The following ADD1 variants were observed in gnomAD, a reference collection of about 807,000 sequenced individuals.
ADD1 encodes the protein adducin 1, also known as alpha-adducin.
Under a neutral mutation model 80.5 loss-of-function variants are expected in ADD1, and 24 were observed. That is an observed-to-expected ratio of 0.30 (90% CI 0.22 to 0.42). The LOEUF (loss-of-function observed/expected upper bound fraction) is 0.42. Ranked by LOEUF, ADD1 falls within the 10% of genes least tolerant of loss-of-function variation. The probability of loss-of-function intolerance (pLI) is 1.00; values close to 1 mark genes in which losing one functional copy is unlikely to be tolerated. For missense variants in ADD1, 948 were observed against 1,019.0 expected (o/e 0.93, Z 0.95); for synonymous variants, 373 against 393.8 (o/e 0.95, Z 0.63).
intron 3 of ADD1, among the ~76,000 whole-genome samples, chr4:2,883,317 GTT>G (rs61653919): frequency 2.8e-5 from 4 of 142,880 alleles, no homozygotes; most frequent in Admixed American, 7.0e-5. Context: ...TGAACAATTA[GTT>G]TTTTTTTTTT....
rs181325490 is a variant in ADD1 at position 2,911,946 on chromosome 4, G to A, written c.1791+2515G>A. ...TGTGTGGTAGAAATGCAGAGGGGCA[G>A]TAAGCTCACCCCTTGGACTCTCTCA... On this transcript the variant is annotated intron_variant, in intron 13 of 15. Coordinates refer to ENST00000683351, the MANE Select transcript of ADD1 (RefSeq NM_001354761.2). 1.1e-3 allele frequency among the ~76,000 whole-genome samples: 167 copies of A among 152,352 alleles called. 1 individual carries two copies. The highest frequency in any genetic ancestry group is 3.6e-3 in the Admixed American group (55 of 15,306).
Position 2,908,573 on chromosome 4 carries a change from G to A in ADD1, c.1667G>A (p.Cys556Tyr). 6.2e-7 allele frequency: 1 copy of A among 1,614,260 alleles called. No individual in the cohort carries two copies. ...KTAGPQSQVLCGVVMDRSLVQ... is the reference protein window; with the variant it reads ...KTAGPQSQVLYGVVMDRSLVQ... ...GCTGGCCCTCAGTCCCAGGTTTTGT[G>A]TGGTGTAGTGATGGACAGGAGCCTC... Residue 556 changes from cysteine (C) to tyrosine (Y), a missense_variant, in exon 12 of 16, where the codon TGT becomes TAT. Physicochemically the swap from Cys to Tyr is radical, Grantham distance 194. Transcript: ENST00000683351.
At chr4:2,906,091 T>G (rs894145788) in intron 10 of ADD1, among the ~76,000 whole-genome samples, 7 of 152,240 alleles carry the variant, frequency 4.6e-5, no homozygotes, top group African/African-American at 1.7e-4. Flanking sequence ...AGTGGGGCTT[T>G]CTTTTCCCCT....
intron 14 of ADD1, among the ~76,000 whole-genome samples, chr4:2,918,460 C>CA (rs1229177667): frequency 2.0e-5 from 3 of 152,290 alleles, no homozygotes; most frequent in East Asian, 1.9e-4. Flanking sequence ...CATCTGAAAA[C>CA]AGAGACAATT....
Position 2,907,704 on chromosome 4 carries a change from G to C in ADD1, c.1507-39G>C, listed in dbSNP as rs1737291085. ...ATTGGATGCTATGTCACTTATTGTT[G>C]TCATAATTCTGACTTTTCAACTGTT... On this transcript the variant is annotated intron_variant, in intron 10 of 15. Transcript: ENST00000683351. 2.6e-6 allele frequency: 4 copies of C among 1,526,900 alleles called. No homozygotes were observed. In the East Asian group the frequency reaches 9.0e-5, roughly 34 times the overall value. The allele number at this position is 1,526,900 out of a possible 1,614,324, so 94.6% of individuals were successfully genotyped here. A position where few individuals can be genotyped will look rare whatever the true frequency, so the allele number is the denominator to read the frequency against.
intron 1 of ADD1, among the ~76,000 whole-genome samples, chr4:2,871,251 G>A (rs976208865): frequency 8.6e-5 from 13 of 151,992 alleles, no homozygotes; most frequent in African/African-American, 3.1e-4. Context: ...GATTACAGGC[G>A]TGAGCCACCG....
In ADD1 at chr4:2,928,347, G is replaced by A. The variant is rs544004923; in HGVS notation, c.2224G>A (p.Glu742Lys). Reference protein sequence around the residue: ...PTEAPTEASPEPAPDPAPVAE... With the variant: ...PTEAPTEASPKPAPDPAPVAE... The stretch of plus-strand genomic sequence containing the variant: ...TGAGGCCCCTACTGAGGCCAGCCCC[G>A]AGCCAGCCCCAGACCCAGCCCCGGT... Residue 742 changes from glutamate to lysine, a missense_variant, in exon 16 of 16, where the codon GAG (glutamate) becomes AAG (lysine). Coordinates refer to ENST00000683351, the MANE Select transcript of ADD1 (RefSeq NM_001354761.2). The A allele has an allele frequency of 3.0e-5, 48 of 1,613,682 alleles. No individual in the cohort carries two copies. The highest frequency in any genetic ancestry group is 1.7e-4 in the Middle Eastern group (1 of 6,054).
chr4:2,879,711 C>T (rs987336591), intron 2 of ADD1, among the ~76,000 whole-genome samples: 32 of 152,018 alleles, frequency 2.1e-4, no homozygotes, highest in Admixed American at 1.9e-3. Flanking sequence ...TAGCCTCCAC[C>T]TCCCGAGTTC....
Position 2,854,104 on chromosome 4 carries a change from C to T in ADD1, c.-21+10080C>T, listed in dbSNP as rs1034589930. On this transcript the variant is annotated intron_variant, in intron 1 of 15. Transcript: ENST00000683351. ...TAGGAGGCTGAGGTGGGCGGATCAC[C>T]TGAGATCAGGAGTTTGAGACCAGCT... Among the ~76,000 whole-genome samples the T allele has an allele frequency of 3.9e-5, 6 of 152,018 alleles. No individual in the cohort carries two copies. In the East Asian group the frequency reaches 1.2e-3, roughly 29 times the overall value.
chr4:2,927,048 C>T (rs959602349), intron 15 of ADD1, among the ~76,000 whole-genome samples: 2 of 152,226 alleles, frequency 1.3e-5, no homozygotes, highest in African/African-American at 4.8e-5. Context: ...CGTGTGGGGT[C>T]AGATTGCCTT....
At chr4:2,914,520 T>G (rs1428627645) in intron 13 of ADD1, among the ~76,000 whole-genome samples, 1 of 152,258 alleles carries the variant, frequency 6.6e-6, no homozygotes, top group African/African-American at 2.4e-5. Context: ...GAAAACTTAC[T>G]GACTTTTAAA....
At position 2,904,965 on chromosome 4, in the gene ADD1, G is replaced by A. The variant is rs766527995; in HGVS notation, c.1363G>A (p.Glu455Lys). Residue 455 changes from glutamate to lysine, a missense_variant, in exon 10 of 16, where the codon GAA becomes AAA. Transcript: ENST00000683351. ...ATGGCTGAACTCTGGCCGGGGCGAC[G>A]AAGCTTCCGAGGAAGGGCAGAATGG... ...TRWLNSGRGD[E>K]ASEEGQNGSS... is the part of the protein sequence containing the mutation. 14 of 1,614,066 alleles carry A rather than the reference G, an allele frequency of 8.7e-6. No homozygotes were observed. The highest frequency in any genetic ancestry group is 4.0e-5 in the African/African-American group (3 of 74,922).
At chr4:2,921,952 C>T (rs898636472) in intron 14 of ADD1, among the ~76,000 whole-genome samples, 7 of 151,818 alleles carry the variant, frequency 4.6e-5, no homozygotes, top group South Asian at 2.1e-4. Context: ...GTATGCCTCA[C>T]GAAGTTCTCA....
At chr4:2,882,413 C>A (rs1420234823) in intron 3 of ADD1, among the ~76,000 whole-genome samples, 1 of 152,208 alleles carries the variant, frequency 6.6e-6, no homozygotes, top group Non-Finnish European at 1.5e-5. Context: ...TTCTTCACTG[C>A]TGTGTCCCAA....
At chr4:2,900,665 T>C (rs1736023236) in intron 9 of ADD1, 1 of 152,236 alleles carries the variant, frequency 6.6e-6, no homozygotes, top group South Asian at 2.1e-4. Context: ...ATTCAGGCTA[T>C]GTTAAATGTT....
intron 1 of ADD1, among the ~76,000 whole-genome samples, chr4:2,852,674 C>T (rs1459014867): frequency 6.0e-5 from 2 of 33,590 alleles, no homozygotes; most frequent in African/African-American, 3.1e-4. Flanking sequence ...GTTTTCTGTA[C>T]TGTTTGTAAA....
At chr4:2,903,947 T>C (rs1040659521) in intron 9 of ADD1, among the ~76,000 whole-genome samples, 1 of 152,220 alleles carries the variant, frequency 6.6e-6, no homozygotes, top group African/African-American at 2.4e-5. Context: ...TTGAATGTTG[T>C]TGTATTCAGA....
intron 1 of ADD1, among the ~76,000 whole-genome samples, chr4:2,852,320 CTTTTCTTTCTTTTT>C (rs1727397809): frequency 1.4e-5 from 1 of 71,988 alleles, no homozygotes; most frequent in African/African-American, 5.6e-5. Flanking sequence ...TTTTTCTTTT[CTTTTCTTTCTTTTT>C]TTTTTTTTTT....
rs554648089 is a variant in ADD1 at position 2,850,705 on chromosome 4, G to A, written c.-21+6681G>A. ...CTCCCAAAGTGCTGGGATTACAGGC[G>A]TGAGCCACCGCGCCTGGCCACGCCC... On this transcript the variant is annotated intron_variant, in intron 1 of 15. Transcript: ENST00000683351. 2.6e-5 allele frequency among the ~76,000 whole-genome samples: 4 copies of A among 152,282 alleles called. No homozygotes were observed. In the East Asian group the frequency reaches 7.7e-4, roughly 29 times the overall value.
Sources: gnomAD v4.1 joint callset for allele counts (sites outside exome capture counted in the v4.1 genomes callset) on GRCh38, gnomAD v4.1.1 for gene constraint, MANE v1.5 for transcripts, NCBI Gene and HGNC (gene_info 2026-07-23, HGNC 2026-07-21) for gene names.